Variants in NOTCH1 observed in about 807,000 individuals in gnomAD.
The protein encoded by NOTCH1 is neurogenic locus notch homolog protein 1.
In NOTCH1, 37 loss-of-function variants were observed where a neutral mutation model predicts 254.8. That is an observed-to-expected ratio of 0.15 (90% CI 0.11 to 0.19). The LOEUF (loss-of-function observed/expected upper bound fraction) is 0.19, where lower values mean the gene tolerates loss of function less well. NOTCH1 is among the 10% of genes least tolerant of loss of function. NOTCH1 has a pLI of 1.00. For missense variants in NOTCH1, 2,972 were observed against 3,708.6 expected (o/e 0.80, Z 5.16); for synonymous variants, 1,731 against 1,618.1 (o/e 1.07, Z -1.68).
chr9:136,514,738 G>T (rs780469283), intron 12 of NOTCH1, 36 bp from the exon 13 acceptor site: 1 of 1,597,744 alleles, frequency 6.3e-7, no homozygotes, highest in Admixed American at 1.7e-5. Context: ...GAGGCCCAGC[G>T]CCCAGGGGGT....
intron 2 of NOTCH1, chr9:136,543,263 C>A (rs1466610497): frequency 5.0e-6 from 1 of 201,852 alleles, no homozygotes; most frequent in Non-Finnish European, 1.0e-5. Flanking sequence ...GGAAGTATCA[C>A]CTGTGCCTAG....
intron 27 of NOTCH1, chr9:136,502,773 G>A (rs1360972096): frequency 1.1e-5 from 6 of 571,234 alleles, no homozygotes; most frequent in South Asian, 4.1e-5. Context: ...CACTCGCACT[G>A]AGCTGTTAAG....
chr9:136,543,598 C>T (rs902276957), intron 2 of NOTCH1: 8 of 360,818 alleles, frequency 2.2e-5, no homozygotes, highest in Admixed American at 4.1e-5. Context: ...GCATCACCCC[C>T]GAGAGGAGGC....
chr9:136,534,467 G>A (rs111348648), intron 2 of NOTCH1, among the ~76,000 whole-genome samples: 9 of 152,142 alleles, frequency 5.9e-5, no homozygotes, highest in African/African-American at 1.7e-4. Context: ...CGGAGCAGAA[G>A]GAACAACACG....
rs748723642 is a variant in NOTCH1, at chr9:136,523,751, C to T, written c.369G>A (p.Thr123=). ...NGGTCDLLTL[T]EYKCRCPPGW... Reference sequence around the variant, plus strand: ...CGGGCGGGCAGCGGCACTTGTACTCCGTCAGCGTGAGCAGGTCGCAGGTGC... The same window carrying T: ...CGGGCGGGCAGCGGCACTTGTACTCTGTCAGCGTGAGCAGGTCGCAGGTGC... Residue 123 remains threonine, a synonymous_variant, in exon 3 of 34, where the codon ACG becomes ACA. Coordinates refer to ENST00000651671, the MANE Select transcript of NOTCH1 (RefSeq NM_017617.5). 8 of 1,610,590 alleles carry T rather than the reference C, an allele frequency of 5.0e-6. No homozygotes were observed. Among genetic ancestry groups the T allele is most frequent in the Non-Finnish European group, 5.1e-6 (6 of 1,179,424 alleles).
chr9:136,512,134 C>T (rs1346567169), intron 15 of NOTCH1, among the ~76,000 whole-genome samples: 1 of 152,256 alleles, frequency 6.6e-6, no homozygotes, highest in African/African-American at 2.4e-5. Flanking sequence ...AGCACCGCCG[C>T]TCCTCCTGCC....
rs2133317788 is a variant in NOTCH1 at position 136,497,136 on chromosome 9, G to A, written c.6603C>T (p.Asp2201=). 1 of 1,612,678 alleles carries A rather than the reference G, an allele frequency of 6.2e-7. No individual in the cohort carries two copies. Among genetic ancestry groups the A allele is most frequent in the East Asian group, 2.2e-5 (1 of 44,884 alleles). ...LDSSGMLSPV[D]SLESPHGYLS... ...GGTAGCCATGGGGTGACTCCAGGGA[G>A]TCCACGGGCGAGAGCATGCCGGAGC... is the stretch of plus-strand genomic sequence containing the variant. The change falls in exon 34 of 34, where the codon GAC becomes GAT. Residue 2201 remains aspartate (D), a synonymous_variant. Transcript: ENST00000651671.
At chr9:136,512,397 C>T (rs1017229513) in intron 15 of NOTCH1, among the ~76,000 whole-genome samples, 2 of 152,200 alleles carry the variant, frequency 1.3e-5, no homozygotes, top group Admixed American at 1.3e-4. Flanking sequence ...GCCAGGACCC[C>T]GGTGCTTGTG....
In NOTCH1 at chr9:136,505,342, G is replaced by A. The variant is rs2133338609; in HGVS notation, c.4554C>T (p.Gly1518=). Residue 1518 remains glycine, a synonymous_variant, in exon 25 of 34, where the codon GGC becomes GGT. Coordinates refer to ENST00000651671, the MANE Select transcript of NOTCH1 (RefSeq NM_017617.5). ...QCNSAGCLFD[G]FDCQRAEGQC... ...GGCCTTCCGCACGCTGGCAGTCAAAGCCGTCGAAGAGGCAGCCGGCTGAGT... is the reference window on the plus strand; with the variant it reads ...GGCCTTCCGCACGCTGGCAGTCAAAACCGTCGAAGAGGCAGCCGGCTGAGT... 6.3e-7 allele frequency: 1 copy of A among 1,597,820 alleles called. No individual in the cohort carries two copies. The highest frequency in any genetic ancestry group is 8.5e-7 in the Non-Finnish European group (1 of 1,172,722).
intron 18 of NOTCH1, 37 bp downstream of exon 18, chr9:136,509,696 C>T (rs1342778974): frequency 1.3e-6 from 2 of 1,591,328 alleles, no homozygotes; most frequent in Admixed American, 3.3e-5. Flanking sequence ...CCCGCACCGC[C>T]CGTTCCCTTC....
At chr9:136,505,935 C>T (rs575284018) in intron 24 of NOTCH1, 54 bp from the exon 25 acceptor site, 39 of 1,476,504 alleles carry the variant, frequency 2.6e-5, no homozygotes, top group Admixed American at 2.3e-4. Context: ...CCCGCCCCCC[C>T]GCCACCTCAC....
At position 136,522,868 on chromosome 9, in the gene NOTCH1, CGTG is replaced by C. The variant is rs767047846; in HGVS notation, c.721_723del (p.His241del). 1 of 1,510,898 alleles carries C rather than the reference CGTG, an allele frequency of 6.6e-7. No homozygotes were observed. Among genetic ancestry groups the C allele is most frequent in the South Asian group, 1.3e-5 (1 of 78,904 alleles). 93.6% of individuals were successfully genotyped at this position (1,510,898 alleles called of 1,614,324 possible). A position where few individuals can be genotyped will look rare whatever the true frequency, so the allele number is the denominator to read the frequency against. On this transcript the variant is annotated inframe_deletion, in exon 4 of 34. Coordinates refer to ENST00000651671, the MANE Select transcript of NOTCH1 (RefSeq NM_017617.5). Reference sequence around the variant, plus strand: ...GCACTACCTGGCAGGCAGGCACACTCGTGGGTGACGTCGCCCGTGGGGCGGCAG... The same window carrying C: ...GCACTACCTGGCAGGCAGGCACACTCGGTGACGTCGCCCGTGGGGCGGCAG...
chr9:136,522,657 C>T, intron 4 of NOTCH1, 193 bp downstream of exon 4: 1 of 599,536 alleles, frequency 1.7e-6, no homozygotes, highest in Non-Finnish European at 2.9e-6. Context: ...TGCAAGCCTC[C>T]TCCCAGCGCA....
Position 136,497,157 on chromosome 9 carries a change from G to A in NOTCH1, c.6582C>T (p.Ser2194=), listed in dbSNP as rs200853719. 56 of 1,612,642 alleles carry A rather than the reference G, an allele frequency of 3.5e-5. 1 individual carries two copies. Among genetic ancestry groups the A allele is most frequent in the South Asian group, 4.4e-5 (4 of 91,094 alleles). The change falls in exon 34 of 34, where the codon TCC becomes TCT. Residue 2194 remains serine (S), a synonymous_variant. Transcript: ENST00000651671. ...GGGAGTCCACGGGCGAGAGCATGCC[G>A]GAGCTGTCCAGCAGGCAGCCCTTGC... The part of the protein sequence containing the change: ...QDGKGCLLDS[S]GMLSPVDSLE...
rs775105774 is a variant in NOTCH1 at position 136,504,972 on chromosome 9, C to T, written c.4719G>A (p.Thr1573=). ...EHVPERLAAG[T]LVVVVLMPPE... is the part of the protein sequence containing the mutation. ...GCGGCATCAGCACCACCACCACCAG[C>T]GTGCCGGCCGCCAGCCTCTCGGGTA... The change falls in exon 26 of 34, where the codon ACG becomes ACA. Residue 1573 remains threonine, a synonymous_variant. Coordinates refer to ENST00000651671, the MANE Select transcript of NOTCH1 (RefSeq NM_017617.5). The T allele has an allele frequency of 5.0e-6, 8 of 1,587,218 alleles. No homozygotes were observed. Among genetic ancestry groups the T allele is most frequent in the African/African-American group, 2.7e-5 (2 of 74,454 alleles).
chr9:136,505,146 G>C (rs761974132), intron 25 of NOTCH1, 42 bp from the exon 26 acceptor site: 2 of 1,576,120 alleles, frequency 1.3e-6, no homozygotes, highest in East Asian at 2.3e-5. Flanking sequence ...TCCTCGGGGG[G>C]CCTCGCACCC....
At chr9:136,524,003 G>A (rs1402193318) in intron 2 of NOTCH1, 24 bp from the exon 3 acceptor site, 4 of 1,541,074 alleles carry the variant, frequency 2.6e-6, no homozygotes, top group Non-Finnish European at 2.6e-6. Flanking sequence ...TGCCAGGGCA[G>A]TTAGTTCCCA....
intron 6 of NOTCH1, 55 bp downstream of exon 6, chr9:136,518,536 C>T: frequency 1.3e-6 from 2 of 1,514,374 alleles, no homozygotes; most frequent in Middle Eastern, 1.7e-4. Flanking sequence ...GGTCACACAG[C>T]TCAGGCCTGG....
intron 18 of NOTCH1, among the ~76,000 whole-genome samples, 186 bp from the exon 19 acceptor site, chr9:136,509,257 C>T (rs974776570): frequency 1.3e-5 from 2 of 152,218 alleles, no homozygotes; most frequent in African/African-American, 2.4e-5. Context: ...TCTCACACCA[C>T]GTCACACCTC....
Sources: gnomAD v4.1 joint callset for allele counts (sites outside exome capture counted in the v4.1 genomes callset) on GRCh38, gnomAD v4.1.1 for gene constraint, MANE v1.5 for transcripts, NCBI Gene and HGNC (gene_info 2026-07-23, HGNC 2026-07-21) for gene names.